Variants in ISOC1 observed in about 807,000 individuals in gnomAD.
ISOC1 encodes the protein isochorismatase domain-containing protein 1.
In ISOC1, 33 loss-of-function variants were observed where a neutral mutation model predicts 30.0. The observed-to-expected ratio is 1.10, with a 90% CI of 0.83 to 1.47. The LOEUF is 1.47. Among genes scored for constraint, ISOC1 ranks in the 40% most tolerant of loss-of-function variants. ISOC1 has a pLI of 0.00. For missense variants in ISOC1, 372 were observed against 388.0 expected, an observed-to-expected ratio of 0.96 and a Z score of 0.35; for synonymous variants, 178 against 159.8, an observed-to-expected ratio of 1.11 and a Z score of -0.86.
At position 129,113,086 on chromosome 5, in the gene ISOC1, T is replaced by G; in HGVS notation, c.*85T>G. The G allele has an allele frequency of 1.5e-5, 19 of 1,256,622 alleles. No homozygotes were observed. The highest frequency in any genetic ancestry group is 3.0e-5 in the African/African-American group (2 of 66,010). 77.8% of individuals were successfully genotyped at this position (1,256,622 alleles called of 1,614,324 possible). ...AGCCCACACAAGCTCTTCTTATCTC[T>G]ACTAGAATTAAAATGTTAAGTCAAA... is the stretch of plus-strand genomic sequence containing the variant. On this transcript the variant is annotated 3_prime_UTR_variant, in exon 5 of 5. Coordinates refer to ENST00000173527, the MANE Select transcript of ISOC1 (RefSeq NM_016048.2).
At position 129,094,874 on chromosome 5, in the gene ISOC1, G is replaced by A; in HGVS notation, c.108G>A (p.Ala36=). The change falls in exon 1 of 5, where the codon GCG becomes GCA. Residue 36 remains alanine (A), a synonymous_variant. Coordinates refer to ENST00000173527, the MANE Select transcript of ISOC1 (RefSeq NM_016048.2). ...TGCTCTTCTGTTTCTCAGTCTTCGC[G>A]CGACCCTCGTCGGTGCCACACGGGG... is the stretch of plus-strand genomic sequence containing the variant. ...VPVLFCFSVF[A]RPSSVPHGAG... 1 of 1,599,858 alleles carries A rather than the reference G, an allele frequency of 6.3e-7. No individual in the cohort carries two copies.
chr5:129,113,200 G>T lies in ISOC1; in HGVS notation c.*199G>T. ...TTAGTTACAAACGTCAAAGGCTTCC[G>T]GTGCTGCTTACCTTCCTTTTTTGTT... On this transcript the variant is annotated 3_prime_UTR_variant, in exon 5 of 5. Coordinates refer to ENST00000173527, the MANE Select transcript of ISOC1 (RefSeq NM_016048.2). The T allele has an allele frequency of 2.2e-6, 1 of 445,314 alleles. No homozygotes were observed. The highest frequency in any genetic ancestry group is 3.9e-6 in the Non-Finnish European group (1 of 253,342). The allele number at this position is 445,314 out of a possible 1,614,324, so 27.6% of individuals were successfully genotyped here.
At chr5:129,106,405 A>C (rs1048295765) in intron 3 of ISOC1, among the ~76,000 whole-genome samples, 4 of 152,182 alleles carry the variant, frequency 2.6e-5, no homozygotes, top group African/African-American at 4.8e-5. Context: ...ACAAAGATGG[A>C]ATCTGTATAA....
intron 1 of ISOC1, among the ~76,000 whole-genome samples, chr5:129,096,667 A>G (rs1753505827): frequency 6.6e-6 from 1 of 152,114 alleles, no homozygotes; most frequent in African/African-American, 2.4e-5. Context: ...CTTTTACGTT[A>G]CTGCTGCCAG....
At chr5:129,110,877 T>G (rs1753698762) in intron 4 of ISOC1, among the ~76,000 whole-genome samples, 1 of 152,190 alleles carries the variant, frequency 6.6e-6, no homozygotes, top group African/African-American at 2.4e-5. Context: ...TCACAGACAT[T>G]GAAAGCCTGT....
chr5:129,109,077 G>A (rs1753672197), intron 4 of ISOC1, among the ~76,000 whole-genome samples: 1 of 152,108 alleles, frequency 6.6e-6, no homozygotes, highest in South Asian at 2.1e-4. Context: ...TCTTAGATAT[G>A]TCTTTGTTAT....
In ISOC1 at chr5:129,112,886, C is replaced by T. The variant is rs1253765441; in HGVS notation, c.782C>T (p.Thr261Met). The part of the protein sequence containing the change: ...RLARTGIIVT[T>M]SEAVLLQLVA... ...GCTCGAACCGGGATCATAGTGACCA[C>T]GAGTGAGGCTGTTCTGCTTCAGCTG... Residue 261 changes from threonine (T) to methionine (M), a missense_variant, in exon 5 of 5, where the codon ACG (threonine) becomes ATG (methionine). Transcript: ENST00000173527. The T allele has an allele frequency of 6.8e-6, 11 of 1,613,422 alleles. No homozygotes were observed. Among genetic ancestry groups the T allele is most frequent in the South Asian group, 1.1e-5 (1 of 91,024 alleles).
rs181375321 is a variant in ISOC1 at position 129,113,152 on chromosome 5, C to G, written c.*151C>G. 3.9e-3 allele frequency: 2,376 copies of G among 601,632 alleles called. 6 individuals carry two copies. The highest frequency in any genetic ancestry group is 5.6e-3 in the Non-Finnish European group (2,054 of 363,832). The allele number at this position is 601,632 out of a possible 1,614,324, so 37.3% of individuals were successfully genotyped here. ...GCGCCTCCTAGTGAAACTTAACCAGCTAGACCATTTGAGTACCAGCATTTA... is the reference window on the plus strand; with the variant it reads ...GCGCCTCCTAGTGAAACTTAACCAGGTAGACCATTTGAGTACCAGCATTTA... On this transcript the variant is annotated 3_prime_UTR_variant, in exon 5 of 5. Transcript: ENST00000173527.
chr5:129,109,974 T>C (rs1753685117), intron 4 of ISOC1, among the ~76,000 whole-genome samples: 1 of 152,162 alleles, frequency 6.6e-6, no homozygotes, highest in Non-Finnish European at 1.5e-5. Context: ...TCAAGAAATG[T>C]TTTCTGGGTA....
Position 129,109,851 on chromosome 5 carries a change from A to C in ISOC1, c.750+2789A>C, listed in dbSNP as rs975689631. On this transcript the variant is annotated intron_variant, in intron 4 of 4. Coordinates refer to ENST00000173527, the MANE Select transcript of ISOC1 (RefSeq NM_016048.2). ...TTCCTCTCTATTCCTGTAGAACATA[A>C]CTACTGAAGATAATTCCCAAGACTA... 4.6e-5 allele frequency among the ~76,000 whole-genome samples: 7 copies of C among 152,314 alleles called. No individual in the cohort carries two copies. The South Asian group carries it at 6.2e-4, about 14-fold the overall frequency.
chr5:129,104,834 G>A, intron 1 of ISOC1, 122 bp from the exon 2 acceptor site: 2 of 861,152 alleles, frequency 2.3e-6, no homozygotes, highest in East Asian at 2.6e-5. Flanking sequence ...TTGGATAATA[G>A]CGGTAGAAAT....
chr5:129,107,234 A>G (rs1269333722), intron 4 of ISOC1, among the ~76,000 whole-genome samples, 172 bp downstream of exon 4: 2 of 152,188 alleles, frequency 1.3e-5, no homozygotes, highest in Non-Finnish European at 2.9e-5. Context: ...CTTCACCACC[A>G]TATCCTATTT....
chr5:129,097,436 A>C (rs1309236079), intron 1 of ISOC1, among the ~76,000 whole-genome samples: 2 of 152,140 alleles, frequency 1.3e-5, no homozygotes, highest in Non-Finnish European at 2.9e-5. Flanking sequence ...GAAAGTCATG[A>C]TATTTCTCAT....
At chr5:129,098,566 A>G (rs1451243125) in intron 1 of ISOC1, among the ~76,000 whole-genome samples, 6 of 152,162 alleles carry the variant, frequency 3.9e-5, no homozygotes, top group African/African-American at 9.7e-5. Context: ...GTATCATGCT[A>G]CCACCAGTGC....
chr5:129,105,025 A>C lies in ISOC1; in HGVS notation c.379A>C (p.Arg127=), dbSNP rs1414422771. 6.2e-7 allele frequency: 1 copy of C among 1,613,974 alleles called. No homozygotes were observed. The highest frequency in any genetic ancestry group is 1.1e-5 in the South Asian group (1 of 91,080). ...CTGCTGTGATATGCAGGAAAGGTTC[A>C]GACCAGCCATCAAGTATTTTGGGGA... ...FFCCDMQERF[R]PAIKYFGDII... The change falls in exon 2 of 5, where the codon AGA becomes CGA. Residue 127 remains arginine, a synonymous_variant. Transcript: ENST00000173527.
At chr5:129,104,881 C>T in intron 1 of ISOC1, 75 bp from the exon 2 acceptor site, 5 of 1,452,328 alleles carry the variant, frequency 3.4e-6, no homozygotes, top group Non-Finnish European at 4.7e-6. Context: ...CATTTTTCTT[C>T]CTTTATTGAC....
rs1459992220 is a variant in ISOC1 at position 129,094,908 on chromosome 5, G to A, written c.142G>A (p.Glu48Lys). The A allele has an allele frequency of 1.2e-6, 2 of 1,611,696 alleles. No individual in the cohort carries two copies. The highest frequency in any genetic ancestry group is 1.7e-6 in the Non-Finnish European group (2 of 1,179,652). The change falls in exon 1 of 5, where the codon GAG becomes AAG. Residue 48 changes from glutamate to lysine, a missense_variant. By Grantham distance (56) the Glu-to-Lys change is moderately conservative (BLOSUM62 1). Transcript: ENST00000173527. Reference sequence around the variant, plus strand: ...GTCGGTGCCACACGGGGCGGGCTACGAGCTGCTCATCCAGAAGTTCCTCAG... The same window carrying A: ...GTCGGTGCCACACGGGGCGGGCTACAAGCTGCTCATCCAGAAGTTCCTCAG... ...PSSVPHGAGY[E>K]LLIQKFLSLY...
chr5:129,107,178 A>C (rs750154592), intron 4 of ISOC1, 116 bp downstream of exon 4: 36 of 748,020 alleles, frequency 4.8e-5, no homozygotes, highest in Middle Eastern at 5.1e-4. Context: ...TGGTCTGGCA[A>C]TATCAGACTA....
intron 1 of ISOC1, among the ~76,000 whole-genome samples, chr5:129,096,671 C>A (rs1753505892): frequency 6.6e-6 from 1 of 152,192 alleles, no homozygotes; most frequent in Non-Finnish European, 1.5e-5. Context: ...TACGTTACTG[C>A]TGCCAGAATA....
Sources: allele counts gnomAD v4.1 joint callset (sites outside exome capture counted in the v4.1 genomes callset), GRCh38; gene constraint gnomAD v4.1.1; transcripts MANE v1.5; gene names NCBI Gene and HGNC (gene_info 2026-07-23, HGNC 2026-07-21).